ZNF318: variants seen among roughly 807,000 people sequenced by gnomAD.
The protein encoded by ZNF318 is zinc finger protein 318.
Under a neutral mutation model 124.2 loss-of-function variants are expected in ZNF318, and 51 were observed. The ratio of observed to expected loss-of-function variants is 0.41; its 90% CI spans 0.33 to 0.52. ZNF318 has a LOEUF of 0.52. ZNF318 is among the 20% of genes least tolerant of loss of function. The pLI, the probability that ZNF318 is intolerant of heterozygous loss-of-function variation, is 0.23. For synonymous variants in ZNF318, 1,090 were observed against 1,040.7 expected (o/e 1.05, Z -0.91); for missense variants, 2,815 against 2,811.2 (o/e 1.00, Z -0.03).
rs1318287936 is a variant in ZNF318 at position 43,365,449 on chromosome 6, G to A, written c.400-9C>T. ...AGACCAGGAGAGCGTCTCTACAAAA[G>A]TAAAGGATAATATGGTTAGTCAATA... is the stretch of plus-strand genomic sequence containing the variant. On this transcript the variant is annotated splice_polypyrimidine_tract_variant and intron_variant, in intron 1 of 9. Transcript: ENST00000361428. The A allele has an allele frequency of 3.7e-6, 6 of 1,611,934 alleles. No homozygotes were observed. Among genetic ancestry groups the A allele is most frequent in the Admixed American group, 1.7e-5 (1 of 59,948 alleles).
At chr6:43,358,524 A>C (rs1779642302) in intron 2 of ZNF318, among the ~76,000 whole-genome samples, 2 of 149,694 alleles carry the variant, frequency 1.3e-5, no homozygotes, top group Non-Finnish European at 3.0e-5. Context: ...GGCCTCCCAA[A>C]GTGCTGGGAT....
chr6:43,346,163 C>T (rs1016414181), intron 6 of ZNF318, among the ~76,000 whole-genome samples: 4 of 123,546 alleles, frequency 3.2e-5, no homozygotes, highest in African/African-American at 1.4e-4. Context: ...CCACACGCCA[C>T]AGAATAAGAC....
Position 43,354,790 on chromosome 6 carries a change from C to A in ZNF318, c.2544G>T (p.Gln848His). Reference sequence around the variant, plus strand: ...GAATTGAGCCTCGCAGAGACTCTTTCTGCTTAGGCTTATCAGGAGTCACAG... The same window carrying A: ...GAATTGAGCCTCGCAGAGACTCTTTATGCTTAGGCTTATCAGGAGTCACAG... ...IPTVTPDKPK[Q>H]KESLRGSIPA... The change falls in exon 4 of 10, where the codon CAG (glutamine) becomes CAT (histidine). Residue 848 changes from glutamine (Q) to histidine (H), a missense_variant. Around this residue, in one of 4 missense-constraint regions of ZNF318, gnomAD observed 1,377 missense variants for 1,353.5 expected, o/e 1.02. Coordinates refer to ENST00000361428, the MANE Select transcript of ZNF318 (RefSeq NM_014345.3). The A allele has an allele frequency of 6.2e-7, 1 of 1,614,192 alleles. No individual in the cohort carries two copies.
chr6:43,369,139 C>T lies in ZNF318; in HGVS notation c.227G>A (p.Arg76His). ...CCGAGGCGGGGACGGGGAGACGCGA[C>T]GACCCCGTGGCGGGGACGGCGAGGC... ...RRASPSPPRG[R>H]RVSPSPPRAR... The change falls in exon 1 of 10, where the codon CGT (arginine) becomes CAT (histidine). Residue 76 changes from arginine (R) to histidine (H), a missense_variant. This residue lies in a region of ZNF318 where 1,377 missense variants were observed against 1,353.5 expected (regional missense o/e 1.02). Transcript: ENST00000361428. 1 of 1,227,654 alleles carries T rather than the reference C, an allele frequency of 8.1e-7. No individual in the cohort carries two copies. The highest frequency in any genetic ancestry group is 3.9e-5 in the South Asian group (1 of 25,582). The allele number at this position is 1,227,654 out of a possible 1,614,324, so 76.0% of individuals were successfully genotyped here. A position where few individuals can be genotyped will look rare whatever the true frequency, so the allele number is the denominator to read the frequency against.
At position 43,352,453 on chromosome 6, in the gene ZNF318, T is replaced by C. The variant is rs757314624; in HGVS notation, c.2694A>G (p.Leu898=). 1.9e-6 allele frequency: 3 copies of C among 1,614,132 alleles called. No homozygotes were observed. In the East Asian group the frequency reaches 6.7e-5, roughly 36 times the overall value. Reference sequence around the variant, plus strand: ...TCTGGCGGGCTTCCCGGTCATTCTTTAGTTTTTCCCTCTCTTCAATAACCT... The same window carrying C: ...TCTGGCGGGCTTCCCGGTCATTCTTCAGTTTTTCCCTCTCTTCAATAACCT... ...KQKVIEEREK[L]KNDREARQKK... The change falls in exon 5 of 10, where the codon CTA becomes CTG. Residue 898 remains leucine, a synonymous_variant. Transcript: ENST00000361428.
intron 3 of ZNF318, among the ~76,000 whole-genome samples, 185 bp from the exon 4 acceptor site, chr6:43,356,330 C>T (rs1779608430): frequency 6.6e-6 from 1 of 152,186 alleles, no homozygotes; most frequent in African/African-American, 2.4e-5. Context: ...GATGTTTCTA[C>T]TGTTGAGGAG....
At chr6:43,351,968 C>T in intron 5 of ZNF318, among the ~76,000 whole-genome samples, 1 of 151,870 alleles carries the variant, frequency 6.6e-6, no homozygotes, top group East Asian at 1.9e-4. Context: ...TGGTGAAACC[C>T]CATCTCTACT....
chr6:43,344,949 A>T (rs1562130096), intron 6 of ZNF318, among the ~76,000 whole-genome samples: 1 of 152,190 alleles, frequency 6.6e-6, no homozygotes, highest in Non-Finnish European at 1.5e-5. Context: ...CAAGGTATTA[A>T]TAACAGTGGT....
rs144508739 is a variant in ZNF318, at chr6:43,344,051, G to T, written c.3073-1172C>A. ...TTTTTGCAACTCAGAGGCTCACTAT[G>T]AATGGGGTTCTATAGTACACAAGAT... is the stretch of plus-strand genomic sequence containing the variant. On this transcript the variant is annotated intron_variant, in intron 6 of 9. Coordinates refer to ENST00000361428, the MANE Select transcript of ZNF318 (RefSeq NM_014345.3). 2.1e-3 allele frequency among the ~76,000 whole-genome samples: 323 copies of T among 152,238 alleles called. 2 individuals are homozygous for T. Among genetic ancestry groups the T allele is most frequent in the African/African-American group, 7.0e-3 (292 of 41,520 alleles).
At chr6:43,352,259 T>TCACCATCATC in intron 5 of ZNF318, 118 bp downstream of exon 5, 2 of 370,276 alleles carry the variant, frequency 5.4e-6, no homozygotes, top group East Asian at 5.7e-5. Flanking sequence ...GTAAGTTTAA[T>TCACCATCATC]TACGTCAAAA....
chr6:43,339,184 G>A lies in ZNF318; in HGVS notation c.4814C>T (p.Ser1605Phe), dbSNP rs1779334777. 1.2e-6 allele frequency: 2 copies of A among 1,614,088 alleles called. No individual in the cohort carries two copies. The highest frequency in any genetic ancestry group is 1.7e-6 in the Non-Finnish European group (2 of 1,180,046). ...PLANGENSNL[S>F]RTKSSDTSST... is the part of the protein sequence containing the mutation. Reference sequence around the variant, plus strand: ...AGAGGTGTCTGAACTTTTGGTTCTAGAGAGGTTGCTATTTTCCCCATTGGC... The same window carrying A: ...AGAGGTGTCTGAACTTTTGGTTCTAAAGAGGTTGCTATTTTCCCCATTGGC... Residue 1605 changes from serine to phenylalanine, a missense_variant, in exon 10 of 10, where the codon TCT becomes TTT. Ser to Phe is a radical substitution (Grantham distance 155). Around this residue, in one of 4 missense-constraint regions of ZNF318, gnomAD observed 927 missense variants for 820.6 expected, o/e 1.13. Transcript: ENST00000361428. This position sits in a 1 kb window ranked among gnomAD's most constrained non-coding sequence, Gnocchi z 4.2.
rs149977292 is a variant in ZNF318, at chr6:43,357,204, A to G, written c.1110T>C (p.Pro370=). The G allele has an allele frequency of 1.3e-5, 21 of 1,614,210 alleles. No homozygotes were observed. The African/African-American group carries it at 2.3e-4, about 17-fold the overall frequency. ...ASEPGYSLHR[P]EEVSVMPKKS... ...TCTTGGGCATCACAGATACTTCCTCAGGCCGATGCAAAGAATATCCTGGCT... is the reference window on the plus strand; with the variant it reads ...TCTTGGGCATCACAGATACTTCCTCGGGCCGATGCAAAGAATATCCTGGCT... Residue 370 remains proline (P), a synonymous_variant, in exon 3 of 10, where the codon CCT becomes CCC. Coordinates refer to ENST00000361428, the MANE Select transcript of ZNF318 (RefSeq NM_014345.3).
At chr6:43,347,793 G>A (rs77005758) in intron 6 of ZNF318, among the ~76,000 whole-genome samples, 1,567 of 152,164 alleles carry the variant, frequency 0.01, 29 homozygotes, top group African/African-American at 0.036. Context: ...ACTGAGCCCC[G>A]AGAAACTCAA....
chr6:43,368,853 C>A lies in ZNF318; in HGVS notation c.399+114G>T, dbSNP rs559392263. The A allele has an allele frequency of 7.4e-5, 91 of 1,237,176 alleles. No homozygotes were observed. In the African/African-American group the frequency reaches 1.3e-3, roughly 18 times the overall value. The allele number at this position is 1,237,176 out of a possible 1,614,324, so 76.6% of individuals were successfully genotyped here. On this transcript the variant is annotated intron_variant, in intron 1 of 9. Coordinates refer to ENST00000361428, the MANE Select transcript of ZNF318 (RefSeq NM_014345.3). ...GCTCGGCATCCCCGAGGGAGTTGGC[C>A]GGAGGCTTCGCGCTTAGGACCCTGG...
intron 2 of ZNF318, among the ~76,000 whole-genome samples, chr6:43,362,839 A>G (rs1473810522): frequency 1.3e-5 from 2 of 152,186 alleles, no homozygotes. Flanking sequence ...AATGGCCTGT[A>G]TCATTGGTTG....
Position 43,369,470 on chromosome 6 carries a change from G to A in ZNF318, c.-105C>T. 2.1e-6 allele frequency: 2 copies of A among 962,988 alleles called. No individual in the cohort carries two copies. Among genetic ancestry groups the A allele is most frequent in the Non-Finnish European group, 2.6e-6 (2 of 778,798 alleles). The allele number at this position is 962,988 out of a possible 1,614,324, so 59.7% of individuals were successfully genotyped here. A position where few individuals can be genotyped will look rare whatever the true frequency, so the allele number is the denominator to read the frequency against. ...TGCAGCCGCCGCCACCTCGGCCGCT[G>A]CGCGCCGCCTCAGCCGCGGGAGCAG... On this transcript the variant is annotated 5_prime_UTR_variant, in exon 1 of 10. Transcript: ENST00000361428.
At position 43,338,812 on chromosome 6, in the gene ZNF318, A is replaced by G. The variant is rs754741225; in HGVS notation, c.5186T>C (p.Val1729Ala). The change falls in exon 10 of 10, where the codon GTA becomes GCA. Residue 1729 changes from valine (V) to alanine (A), a missense_variant. Physicochemically the swap from Val to Ala is moderately conservative, Grantham distance 64. Around this residue, in one of 4 missense-constraint regions of ZNF318, gnomAD observed 927 missense variants for 820.6 expected, o/e 1.13. Coordinates refer to ENST00000361428, the MANE Select transcript of ZNF318 (RefSeq NM_014345.3). ...LDLGEPGPPGVEPPPQLLDIQ... is the reference protein window; with the variant it reads ...LDLGEPGPPGAEPPPQLLDIQ... Reference sequence around the variant, plus strand: ...ATCTAACAGTTGAGGAGGTGGTTCTACACCAGGTGGTCCTGGCTCTCCCAG... The same window carrying G: ...ATCTAACAGTTGAGGAGGTGGTTCTGCACCAGGTGGTCCTGGCTCTCCCAG... The G allele has an allele frequency of 6.2e-7, 1 of 1,614,110 alleles. No individual in the cohort carries two copies. The highest frequency in any genetic ancestry group is 1.1e-5 in the South Asian group (1 of 91,084).
Position 43,337,583 on chromosome 6 carries a change from C to A in ZNF318, c.6415G>T (p.Val2139Leu), listed in dbSNP as rs141409193. The A allele has an allele frequency of 6.8e-6, 11 of 1,614,098 alleles. No homozygotes were observed. The highest frequency in any genetic ancestry group is 9.3e-6 in the Non-Finnish European group (11 of 1,179,988). The part of the protein sequence containing the change: ...LLAGGMMPEE[V>L]KESSQLDKQE... ...TTGTCTAATTGGGAAGATTCTTTTA[C>A]TTCCTCAGGCATCATTCCTCCTGCT... Residue 2139 changes from valine (V) to leucine (L), a missense_variant, in exon 10 of 10, where the codon GTA (valine) becomes TTA (leucine). Coordinates refer to ENST00000361428, the MANE Select transcript of ZNF318 (RefSeq NM_014345.3).
At chr6:43,341,288 C>T (rs769138754) in intron 8 of ZNF318, among the ~76,000 whole-genome samples, 5 of 152,180 alleles carry the variant, frequency 3.3e-5, no homozygotes, top group Non-Finnish European at 7.3e-5. Flanking sequence ...GTATTAATTA[C>T]TGAGGAAACT....
Sources: gnomAD v4.1 joint callset for allele counts (sites outside exome capture counted in the v4.1 genomes callset) on GRCh38, gnomAD v4.1.1 for gene constraint, gnomAD v4.1.1 regional missense constraint, Gnocchi (gnomAD v3.1) non-coding constraint, MANE v1.5 for transcripts, NCBI Gene and HGNC (gene_info 2026-07-23, HGNC 2026-07-21) for gene names.